The following WDR4 variants were observed in gnomAD, a reference collection of about 807,000 sequenced individuals.
The protein encoded by WDR4 is tRNA (guanine-N(7)-)-methyltransferase non-catalytic subunit WDR4.
Under a neutral mutation model 48.6 loss-of-function variants are expected in WDR4, and 47 were observed. The ratio of observed to expected loss-of-function variants is 0.97; its 90% confidence interval spans 0.77 to 1.23. The LOEUF (loss-of-function observed/expected upper bound fraction) is 1.23. Ranked by LOEUF, WDR4 falls within the 50% of genes most tolerant of loss-of-function variation. The pLI is 0.00. For missense variants in WDR4, 606 were observed against 551.6 expected (o/e 1.10, Z -0.99); for synonymous variants, 268 against 230.0 (o/e 1.17, Z -1.49).
At chr21:42,891,786 G>A in the WDR4 span, among the ~76,000 whole-genome samples, 9 of 151,792 alleles carry the variant, frequency 5.9e-5, no homozygotes, top group Non-Finnish European at 1.2e-4. Flanking sequence ...GTGAAACCCC[G>A]TCGCTACTAA....
At chr21:42,846,419 G>A (rs189875135), downstream of WDR4, among the ~76,000 whole-genome samples, 26 of 152,346 alleles carry the variant, frequency 1.7e-4, no homozygotes, top group Admixed American at 1.3e-3. Context: ...GAACATGGGC[G>A]TGGGGGCTTC....
intron 3 of WDR4, among the ~76,000 whole-genome samples, chr21:42,864,445 G>A (rs534962653): frequency 3.9e-5 from 6 of 152,258 alleles, no homozygotes; most frequent in African/African-American, 1.2e-4. Flanking sequence ...ACAGAGAGCC[G>A]TGCCCCATGC....
upstream of WDR4, chr21:42,879,806 G>A (rs895544534): frequency 1.4e-5 from 6 of 414,462 alleles, no homozygotes; most frequent in Non-Finnish European, 2.6e-5. Flanking sequence ...GGCTGGTTCT[G>A]GATCTTTTTC....
rs558179750 is a variant in WDR4 at position 42,863,564 on chromosome 21, A to C, written c.329T>G (p.Phe110Cys). 1.2e-6 allele frequency: 2 copies of C among 1,613,656 alleles called. No homozygotes were observed. Among genetic ancestry groups the C allele is most frequent in the Non-Finnish European group, 1.7e-6 (2 of 1,179,952 alleles). The change falls in exon 4 of 11, where the codon TTC (phenylalanine) becomes TGC (cysteine). Residue 110 changes from phenylalanine to cysteine, a missense_variant. By Grantham distance (205) the Phe-to-Cys change is radical (BLOSUM62 -2). Transcript: ENST00000398208. Reference protein sequence around the residue: ...TVARRCTALTFIASEEKVLVA... With the variant: ...TVARRCTALTCIASEEKVLVA... ...CAAGACCTTCTCCTCCGAGGCTATG[A>C]AAGTCAGGGCTGTACACCTCCTTGC...
downstream of WDR4, among the ~76,000 whole-genome samples, chr21:42,848,214 C>T (rs777065566): frequency 3.3e-5 from 5 of 152,198 alleles, no homozygotes; most frequent in Non-Finnish European, 7.4e-5. Flanking sequence ...CATCACTGGA[C>T]AGCAGGTAGG....
In WDR4 at chr21:42,862,380, A is replaced by C. The variant is rs749687600; in HGVS notation, c.468T>G (p.Asp156Glu). ...SMLLDVAVSP[D>E]DRFILTADRD... ...GGTCGGCAGTGAGGATGAAGCGGTC[A>C]TCAGGACTCACAGCCTGCATCACCA... Residue 156 changes from aspartate (D) to glutamate (E), a missense_variant, in exon 5 of 11, where the codon GAT becomes GAG. Coordinates refer to ENST00000398208, the MANE Select transcript of WDR4 (RefSeq NM_018669.6). This position sits in a 1 kb window ranked among gnomAD's most constrained non-coding sequence, Gnocchi z 4.3. The C allele has an allele frequency of 6.2e-7, 1 of 1,607,992 alleles. No individual in the cohort carries two copies. Among genetic ancestry groups the C allele is most frequent in the Non-Finnish European group, 8.5e-7 (1 of 1,177,304 alleles).
chr21:42,854,521 T>C, intron 8 of WDR4, 41 bp downstream of exon 8: 2 of 1,595,454 alleles, frequency 1.3e-6, no homozygotes, highest in Non-Finnish European at 1.7e-6. Context: ...CCCCTGCAGG[T>C]CTGCAGAACC....
chr21:42,846,634 G>A (rs2057713431), downstream of WDR4, among the ~76,000 whole-genome samples: 1 of 152,150 alleles, frequency 6.6e-6, no homozygotes, highest in South Asian at 2.1e-4. Flanking sequence ...GACTGCTTGA[G>A]CCTGGGAGGT....
At chr21:42,851,659 A>C (rs1186290221) in intron 10 of WDR4, among the ~76,000 whole-genome samples, 1 of 152,132 alleles carries the variant, frequency 6.6e-6, no homozygotes, top group Non-Finnish European at 1.5e-5. Flanking sequence ...TGTCCCCAGA[A>C]GGCAGGGTAG....
intron 6 of WDR4, among the ~76,000 whole-genome samples, chr21:42,857,196 G>A (rs2058016099): frequency 6.6e-6 from 1 of 152,080 alleles, no homozygotes; most frequent in Non-Finnish European, 1.5e-5. Context: ...CGGAGCCGAG[G>A]GGCCCCTGTC....
chr21:42,869,274 G>A (rs1437304222), intron 3 of WDR4, among the ~76,000 whole-genome samples: 2 of 152,148 alleles, frequency 1.3e-5, no homozygotes, highest in East Asian at 1.9e-4. Context: ...GTACTCCAGG[G>A]GAAGCAGACA....
intron 2 of WDR4, among the ~76,000 whole-genome samples, chr21:42,876,229 T>TTTTTTTTTTTTTTTTGGG (rs1555982374): frequency 6.7e-6 from 1 of 148,850 alleles, no homozygotes; most frequent in African/African-American, 2.5e-5. Context: ...TTTTTTTTTT[T>TTTTTTTTTTTTTTTTGGG]GGGAGACAGA....
Position 42,853,707 on chromosome 21 carries a change from C to G in WDR4, c.837G>C (p.Gln279His). The G allele has an allele frequency of 6.4e-7, 1 of 1,570,696 alleles. No homozygotes were observed. The highest frequency in any genetic ancestry group is 8.6e-7 in the Non-Finnish European group (1 of 1,157,816). ...ACGCCAGCTGCTGCCTGTACACCAA[C>G]TGCTGTCTGCGGGCGTCCAGCTGGA... ...YIFQLDARRQ[Q>H]LVYRQQLAFQ... is the part of the protein sequence containing the mutation. The change falls in exon 9 of 11, where the codon CAG (glutamine) becomes CAC (histidine). Residue 279 changes from glutamine to histidine, a missense_variant. By Grantham distance (24) the Gln-to-His change is conservative (BLOSUM62 0). Transcript: ENST00000398208.
At chr21:42,879,781 C>T (rs2058591511), upstream of WDR4, 1 of 451,298 alleles carries the variant, frequency 2.2e-6, no homozygotes, top group South Asian at 4.9e-5. Flanking sequence ...TCATCCTTTC[C>T]TCTAGACGGG....
At chr21:42,891,981 C>A in the WDR4 span, among the ~76,000 whole-genome samples, 3 of 142,432 alleles carry the variant, frequency 2.1e-5, no homozygotes, top group South Asian at 6.8e-4. Flanking sequence ...AGGCCAGGCA[C>A]AGTGGCTCAC....
At chr21:42,868,125 T>C (rs955307780) in intron 3 of WDR4, among the ~76,000 whole-genome samples, 1 of 152,062 alleles carries the variant, frequency 6.6e-6, no homozygotes, top group Non-Finnish European at 1.5e-5. Context: ...TCTAGATTCC[T>C]CCCTCCTCTG....
At chr21:42,863,118 C>T (rs1010308706) in intron 4 of WDR4, among the ~76,000 whole-genome samples, 11 of 152,188 alleles carry the variant, frequency 7.2e-5, no homozygotes, top group Admixed American at 5.2e-4. Context: ...GTCTCACTTG[C>T]CTTCTTCATT....
the WDR4 span, among the ~76,000 whole-genome samples, chr21:42,889,424 G>A: frequency 6.6e-6 from 1 of 152,170 alleles, no homozygotes; most frequent in African/African-American, 2.4e-5. Context: ...TTCCTTGCTA[G>A]CAGATTGCTT....
At chr21:42,853,901 G>A (rs1257511147) in intron 8 of WDR4, 149 bp from the exon 9 acceptor site, 23 of 861,416 alleles carry the variant, frequency 2.7e-5, no homozygotes, top group Non-Finnish European at 3.1e-5. Flanking sequence ...CCCAAATGCC[G>A]GCGCCGGGGA....
Sources: allele counts gnomAD v4.1 joint callset (sites outside exome capture counted in the v4.1 genomes callset), GRCh38; gene constraint gnomAD v4.1.1; non-coding constraint Gnocchi (gnomAD v3.1); transcripts MANE v1.5; gene names NCBI Gene and HGNC (gene_info 2026-07-23, HGNC 2026-07-21).